The following FAM117B variants were observed in gnomAD, a reference collection of about 807,000 sequenced individuals.
FAM117B encodes protein FAM117B.
FAM117B carries 22 observed loss-of-function variants against 52.8 expected under a neutral mutation model. The ratio of observed to expected loss-of-function variants is 0.42; its 90% CI spans 0.30 to 0.59. The LOEUF (loss-of-function observed/expected upper bound fraction) is 0.59. FAM117B is among the 20% of genes least tolerant of loss of function. The pLI, the probability that FAM117B is intolerant of heterozygous loss-of-function variation, is 0.22. For synonymous variants in FAM117B, 309 were observed against 324.1 expected (o/e 0.95, Z 0.50); for missense variants, 678 against 802.6 (o/e 0.84, Z 1.88).
At chr2:202,675,280 T>G (rs530341574) in intron 1 of FAM117B, among the ~76,000 whole-genome samples, 1 of 151,140 alleles carries the variant, frequency 6.6e-6, no homozygotes, top group South Asian at 2.1e-4. Flanking sequence ...TCTCTGTCTC[T>G]ACAAAAAATA....
chr2:202,657,846 T>C lies in FAM117B; in HGVS notation c.601+22058T>C, dbSNP rs1214235578. ...CTTTCAGATTGCTTGACTGTTGTCT[T>C]AGTAATTCATTTAATTTATGTATTT... On this transcript the variant is annotated intron_variant, in intron 1 of 7. Transcript: ENST00000392238. Among the ~76,000 whole-genome samples the C allele has an allele frequency of 2.6e-5, 4 of 152,224 alleles. No individual in the cohort carries two copies. In the East Asian group the frequency reaches 7.7e-4, roughly 29 times the overall value.
At chr2:202,761,941 T>C in intron 7 of FAM117B, among the ~76,000 whole-genome samples, 1 of 152,164 alleles carries the variant, frequency 6.6e-6, no homozygotes, top group East Asian at 1.9e-4. Flanking sequence ...TGTAACACTA[T>C]TAATATTTTA....
intron 1 of FAM117B, among the ~76,000 whole-genome samples, chr2:202,667,745 G>A (rs1353862000): frequency 1.3e-5 from 2 of 152,026 alleles, no homozygotes; most frequent in Non-Finnish European, 2.9e-5. Context: ...AGTTGAAGTA[G>A]TATGCTGGCT....
chr2:202,715,801 T>C (rs1043343483), intron 2 of FAM117B, among the ~76,000 whole-genome samples: 2 of 152,344 alleles, frequency 1.3e-5, no homozygotes, highest in East Asian at 1.9e-4. Flanking sequence ...CATTGAGCAC[T>C]GAGTGAATGA....
chr2:202,708,963 G>A (rs563908931), intron 2 of FAM117B, among the ~76,000 whole-genome samples: 53 of 152,232 alleles, frequency 3.5e-4, no homozygotes, highest in African/African-American at 1.2e-3. Flanking sequence ...CTACTGTTTA[G>A]TATTCCCAAC....
intron 7 of FAM117B, among the ~76,000 whole-genome samples, chr2:202,762,748 A>G (rs552236808): frequency 6.6e-6 from 1 of 152,128 alleles, no homozygotes; most frequent in South Asian, 2.1e-4. Context: ...AGGTTAGGAA[A>G]GTGATTCTTC....
chr2:202,745,443 C>T (rs1043077775), intron 4 of FAM117B, among the ~76,000 whole-genome samples: 1 of 152,102 alleles, frequency 6.6e-6, no homozygotes, highest in African/African-American at 2.4e-5. Flanking sequence ...GTAAAATTCA[C>T]TGGTTGAGCA....
intron 1 of FAM117B, among the ~76,000 whole-genome samples, chr2:202,662,262 A>G (rs929177149): frequency 2.0e-5 from 3 of 152,168 alleles, no homozygotes; most frequent in African/African-American, 7.2e-5. Context: ...GGATATTATT[A>G]TATTAAGTGA....
Position 202,635,356 on chromosome 2 carries a change from AGCGGCG to A in FAM117B, c.184_189del (p.Gly62_Gly63del), listed in dbSNP as rs758776023. 141 of 1,375,566 alleles carry A rather than the reference AGCGGCG, an allele frequency of 1.0e-4. 1 individual carries two copies. Among genetic ancestry groups the A allele is most frequent in the Middle Eastern group, 2.3e-4 (1 of 4,298 alleles). The allele number at this position is 1,375,566 out of a possible 1,614,324, so 85.2% of individuals were successfully genotyped here. ...GCAGCAACATGGCAGCCCCACGCGG[AGCGGCG>A]GCGGCGGCGGCGGCAACAACAACGG... On this transcript the variant is annotated inframe_deletion, in exon 1 of 8. Transcript: ENST00000392238.
intron 1 of FAM117B, among the ~76,000 whole-genome samples, chr2:202,672,357 C>A (rs988530395): frequency 6.6e-6 from 1 of 152,172 alleles, no homozygotes; most frequent in Admixed American, 6.5e-5. Context: ...GGGTTACAGG[C>A]GTGCGCCACC....
intron 2 of FAM117B, among the ~76,000 whole-genome samples, chr2:202,724,325 G>A (rs976138462): frequency 6.6e-6 from 1 of 152,184 alleles, no homozygotes; most frequent in African/African-American, 2.4e-5. Flanking sequence ...TTACAGGCGT[G>A]AGCCACCGCG....
At chr2:202,754,059 A>C (rs1230300448) in intron 4 of FAM117B, among the ~76,000 whole-genome samples, 2 of 152,240 alleles carry the variant, frequency 1.3e-5, no homozygotes, top group Non-Finnish European at 2.9e-5. Flanking sequence ...TCATTCTACT[A>C]TAAAGACACA....
intron 1 of FAM117B, among the ~76,000 whole-genome samples, chr2:202,685,749 T>C (rs1305061279): frequency 6.6e-6 from 1 of 152,146 alleles, no homozygotes; most frequent in Admixed American, 6.5e-5. Context: ...AGGGGGATAA[T>C]CCCTTTCCTT....
intron 4 of FAM117B, among the ~76,000 whole-genome samples, chr2:202,748,119 C>G (rs1691662251): frequency 6.6e-6 from 1 of 151,994 alleles, no homozygotes; most frequent in Admixed American, 6.6e-5. Flanking sequence ...GAATAAAGAA[C>G]CCAGAAATAA....
chr2:202,673,406 G>A (rs1490046250), intron 1 of FAM117B, among the ~76,000 whole-genome samples: 1 of 144,278 alleles, frequency 6.9e-6, no homozygotes, highest in Non-Finnish European at 1.5e-5. Context: ...TGAATTAAAG[G>A]CTAGCCTACC....
At chr2:202,763,368 G>A (rs1051493533) in intron 7 of FAM117B, among the ~76,000 whole-genome samples, 1 of 151,946 alleles carries the variant, frequency 6.6e-6, no homozygotes, top group African/African-American at 2.4e-5. Context: ...CACTGCGCCT[G>A]GCCTTCTTAA....
rs557094126 is a variant in FAM117B at position 202,746,806 on chromosome 2, T to G, written c.961-8732T>G. ...ACTAAATGGTTTTACTGCTGAATTT[T>G]AACAGACATAAAATAGAACTAGCAC... On this transcript the variant is annotated intron_variant, in intron 4 of 7. Transcript: ENST00000392238. Among the ~76,000 whole-genome samples the G allele has an allele frequency of 3.3e-5, 5 of 152,218 alleles. No individual in the cohort carries two copies. The South Asian group carries it at 1.0e-3, about 32-fold the overall frequency.
chr2:202,680,073 G>A (rs141249354), intron 1 of FAM117B, among the ~76,000 whole-genome samples: 44 of 151,986 alleles, frequency 2.9e-4, no homozygotes, highest in Non-Finnish European at 5.1e-4. Context: ...ACTGATTGAG[G>A]TTAACAGCAG....
chr2:202,743,281 C>T (rs1010500957), intron 4 of FAM117B, among the ~76,000 whole-genome samples: 1 of 152,094 alleles, frequency 6.6e-6, no homozygotes, highest in Admixed American at 6.6e-5. Context: ...TCAGAGACAC[C>T]ACTGTTGCTG....
Sources: allele counts gnomAD v4.1 joint callset (sites outside exome capture counted in the v4.1 genomes callset), GRCh38; gene constraint gnomAD v4.1.1; transcripts MANE v1.5; gene names NCBI Gene and HGNC (gene_info 2026-07-23, HGNC 2026-07-21).